Variants in FAT3 observed in about 807,000 individuals in gnomAD.
The protein encoded by FAT3 is protocadherin Fat 3.
Under a neutral mutation model 310.2 loss-of-function variants are expected in FAT3, and 95 were observed. The observed-to-expected ratio is 0.31, with a 90% confidence interval of 0.26 to 0.36. The LOEUF (loss-of-function observed/expected upper bound fraction) is 0.36, where lower values mean the gene tolerates loss of function less well. Ranked by LOEUF, FAT3 falls within the 10% of genes least tolerant of loss-of-function variation. The pLI, the probability that FAT3 is intolerant of heterozygous loss-of-function variation, is 1.00. For missense variants in FAT3, 5,408 were observed against 5,715.6 expected (o/e 0.95, Z 1.74); for synonymous variants, 2,314 against 2,192.9 (o/e 1.06, Z -1.54).
intron 3 of FAT3, among the ~76,000 whole-genome samples, chr11:92,620,544 T>C (rs1251231772): frequency 2.6e-5 from 4 of 152,232 alleles, no homozygotes; most frequent in Non-Finnish European, 4.4e-5. Context: ...GCAATAATCT[T>C]GATTTTTTTT....
At chr11:92,769,115 G>C (rs927202927) in intron 6 of FAT3, among the ~76,000 whole-genome samples, 1 of 152,134 alleles carries the variant, frequency 6.6e-6, no homozygotes, top group African/African-American at 2.4e-5. Flanking sequence ...GCAAGATTTT[G>C]TTCCAAGCCT....
intron 1 of FAT3, among the ~76,000 whole-genome samples, chr11:92,232,276 A>C (rs1864215573): frequency 6.6e-6 from 1 of 152,158 alleles, no homozygotes; most frequent in Non-Finnish European, 1.5e-5. Flanking sequence ...TAAAAAAAAA[A>C]CCTTTGCTAA....
Position 92,805,569 on chromosome 11 carries a change from C to CA in FAT3, c.9093+234dup, listed in dbSNP as rs34229613. ...ACCTAATTTTGTACCCTGCCCCCAA[C>CA]AAAAAAAAAAAAAAGAAAGAAACCA... is the stretch of plus-strand genomic sequence containing the variant. On this transcript the variant is annotated intron_variant, in intron 11 of 27. Transcript: ENST00000525166. Among the ~76,000 whole-genome samples, 463 of 131,130 alleles carry CA rather than the reference C, an allele frequency of 3.5e-3. 2 individuals carry two copies. Among genetic ancestry groups the CA allele is most frequent in the African/African-American group, 0.013 (414 of 32,336 alleles). The allele number at this position is 131,130 out of a possible 152,430, so 86.0% of individuals were successfully genotyped here. A position where few individuals can be genotyped will look rare whatever the true frequency, so the allele number is the denominator to read the frequency against.
intron 2 of FAT3, among the ~76,000 whole-genome samples, chr11:92,485,449 C>T (rs1952351308): frequency 6.6e-6 from 1 of 152,100 alleles, no homozygotes; most frequent in East Asian, 1.9e-4. Context: ...AGGAAAGGAC[C>T]AGACTATAGC....
intron 13 of FAT3, among the ~76,000 whole-genome samples, chr11:92,825,961 G>A (rs1431115887): frequency 6.6e-6 from 1 of 152,118 alleles, no homozygotes; most frequent in Non-Finnish European, 1.5e-5. Flanking sequence ...AAGGTGACAT[G>A]CAGAAAAGTA....
chr11:92,824,515 A>G (rs1372986638), intron 13 of FAT3, among the ~76,000 whole-genome samples: 1 of 152,218 alleles, frequency 6.6e-6, no homozygotes, highest in Non-Finnish European at 1.5e-5. Context: ...AGTAGCCTAT[A>G]CAATATGTAT....
chr11:92,621,276 CA>C (rs1941071407), intron 3 of FAT3, among the ~76,000 whole-genome samples: 2 of 152,060 alleles, frequency 1.3e-5, no homozygotes, highest in Admixed American at 6.5e-5. Context: ...CAAGAGTATC[CA>C]AACAGATAAA....
chr11:92,239,561 A>G (rs894254252), intron 1 of FAT3, among the ~76,000 whole-genome samples: 2 of 152,102 alleles, frequency 1.3e-5, no homozygotes, highest in Non-Finnish European at 2.9e-5. Flanking sequence ...CTGCCTGAGT[A>G]ATTTATCACT....
chr11:92,889,390 G>A (rs1949865235), intron 26 of FAT3, 142 bp downstream of exon 26: 2 of 376,338 alleles, frequency 5.3e-6, no homozygotes, highest in African/African-American at 5.7e-5. Context: ...TTATGGATCT[G>A]TTTTAAAATT....
chr11:92,226,066 C>T (rs1391468195), intron 1 of FAT3, among the ~76,000 whole-genome samples: 9 of 152,172 alleles, frequency 5.9e-5, no homozygotes, highest in Admixed American at 3.3e-4. Context: ...CGGTTCGGGA[C>T]GAATCCCCTC....
chr11:92,548,530 G>A (rs1591434520), intron 3 of FAT3, among the ~76,000 whole-genome samples: 2 of 152,320 alleles, frequency 1.3e-5, no homozygotes, highest in South Asian at 4.1e-4. Context: ...ACCTCAAAAA[G>A]TTCATGCCTT....
intron 19 of FAT3, among the ~76,000 whole-genome samples, chr11:92,847,259 T>C (rs1428345621): frequency 3.3e-5 from 5 of 152,218 alleles, no homozygotes; most frequent in African/African-American, 1.2e-4. Flanking sequence ...ATGTTTAGAT[T>C]TGTTTAGATA....
At chr11:92,416,740 A>G (rs962202895) in intron 2 of FAT3, among the ~76,000 whole-genome samples, 4 of 152,294 alleles carry the variant, frequency 2.6e-5, no homozygotes, top group South Asian at 2.1e-4. Context: ...GCGTGAGGTC[A>G]CCTGTGAGAT....
intron 1 of FAT3, among the ~76,000 whole-genome samples, chr11:92,261,267 G>T (rs1016740387): frequency 1.4e-4 from 21 of 152,154 alleles, no homozygotes; most frequent in African/African-American, 4.3e-4. Context: ...TCATTAAATA[G>T]GAAAGGTAAG....
chr11:92,580,483 C>G (rs1462100636), intron 3 of FAT3, among the ~76,000 whole-genome samples: 1 of 152,138 alleles, frequency 6.6e-6, no homozygotes, highest in Admixed American at 6.6e-5. Flanking sequence ...CTGAGCCACA[C>G]CCATGTCAGC....
At chr11:92,559,568 G>A (rs1001139612) in intron 3 of FAT3, 9 of 242,872 alleles carry the variant, frequency 3.7e-5, no homozygotes, top group African/African-American at 1.9e-4. Context: ...AAATAGTTGA[G>A]AGTCTCACTA....
intron 22 of FAT3, among the ~76,000 whole-genome samples, chr11:92,871,436 C>T (rs896058092): frequency 2.0e-5 from 3 of 152,172 alleles, no homozygotes; most frequent in African/African-American, 7.2e-5. Context: ...TGTATTTTAA[C>T]AAGATCCCTA....
chr11:92,378,040 T>A (rs1228788769), intron 2 of FAT3, among the ~76,000 whole-genome samples: 1 of 152,192 alleles, frequency 6.6e-6, no homozygotes, highest in Non-Finnish European at 1.5e-5. Flanking sequence ...GTTTGTGTCA[T>A]TTTTTTCAGC....
chr11:92,681,859 G>A (rs12271739), intron 3 of FAT3, among the ~76,000 whole-genome samples: 4,181 of 152,062 alleles, frequency 0.027, 210 homozygotes, highest in African/African-American at 0.095. Flanking sequence ...GGAGGAGGGG[G>A]GCCCAAACTC....
Sources: gnomAD v4.1 joint callset for allele counts (sites outside exome capture counted in the v4.1 genomes callset) on GRCh38, gnomAD v4.1.1 for gene constraint, MANE v1.5 for transcripts, NCBI Gene and HGNC (gene_info 2026-07-23, HGNC 2026-07-21) for gene names.